The following CLIC2 variants were observed in gnomAD, a reference collection of about 807,000 sequenced individuals.
CLIC2 encodes CLIC family member 2, also known as chloride intracellular channel protein 2.
Under a neutral mutation model 14.8 loss-of-function variants are expected in CLIC2, and 9 were observed. That is an observed-to-expected ratio of 0.61 (90% CI 0.37 to 1.06). The LOEUF (loss-of-function observed/expected upper bound fraction) is 1.06, where lower values mean the gene tolerates loss of function less well. Ranked by LOEUF, CLIC2 falls within the 50% of genes least tolerant of loss-of-function variation. CLIC2 has a pLI of 0.01. For synonymous variants in CLIC2, 61 were observed against 66.3 expected (o/e 0.92, Z 0.39); for missense variants, 148 against 181.4 (o/e 0.82, Z 1.06).
chrX:155,299,761 A>G (rs113269068), intron 1 of CLIC2, among the ~76,000 whole-genome samples: 3 of 76,309 alleles, frequency 3.9e-5, no homozygotes, highest in African/African-American at 5.4e-5. Flanking sequence ...AGAGTGTGAT[A>G]TTCCCCTTCC....
intron 3 of CLIC2, among the ~76,000 whole-genome samples, chrX:155,297,860 CAAAAAAA>C (rs200891873): frequency 2.0e-4 from 1 of 5,123 alleles, no homozygotes; most frequent in East Asian, 8.1e-3. Context: ...ACTCCGGTCT[CAAAAAAA>C]AAAAAAAAAA....
chrX:155,294,854 T>C lies in CLIC2; in HGVS notation c.293+3931A>G, dbSNP rs781985592. Among the ~76,000 whole-genome samples, 3 of 111,648 alleles carry C rather than the reference T, an allele frequency of 2.7e-5. No individual in the cohort carries two copies. In the South Asian group the frequency reaches 1.1e-3, roughly 42 times the overall value. On this transcript the variant is annotated intron_variant, in intron 3 of 5. Coordinates refer to ENST00000369449, the MANE Select transcript of CLIC2 (RefSeq NM_001289.6). ...GAAATAGAAAACATGAACAGACCAA[T>C]AATGAGTAGCAAGATTGAGTCAGTA... is the stretch of plus-strand genomic sequence containing the variant.
At chrX:155,311,223 AT>A (rs1205337144) in intron 1 of CLIC2, among the ~76,000 whole-genome samples, 3 of 111,864 alleles carry the variant, frequency 2.7e-5, no homozygotes, top group Non-Finnish European at 5.6e-5. Flanking sequence ...ATTTTCTGAA[AT>A]TTTATGCTGT....
chrX:155,323,251 T>C (rs1049924110), intron 1 of CLIC2, among the ~76,000 whole-genome samples: 16 of 111,663 alleles, frequency 1.4e-4, no homozygotes, highest in Non-Finnish European at 2.3e-4. Flanking sequence ...CACGCCAATA[T>C]CCCTGATAAA....
intron 1 of CLIC2, among the ~76,000 whole-genome samples, chrX:155,310,041 A>G (rs782200917): frequency 8.9e-6 from 1 of 112,386 alleles, no homozygotes; most frequent in African/African-American, 3.2e-5. Context: ...TTTCCTAGAT[A>G]CAATGGAGGG....
chrX:155,320,147 C>T (rs7890602), intron 1 of CLIC2, among the ~76,000 whole-genome samples: 329 of 112,401 alleles, frequency 2.9e-3, no homozygotes, highest in African/African-American at 0.01. Context: ...CAGACTTAGA[C>T]GTTCCTGCCT....
chrX:155,294,503 C>G (rs2074986079), intron 3 of CLIC2, among the ~76,000 whole-genome samples: 1 of 111,269 alleles, frequency 9.0e-6, no homozygotes, highest in Admixed American at 9.6e-5. Flanking sequence ...GCTAGAAAAG[C>G]AAGAACAAAC....
intron 3 of CLIC2, among the ~76,000 whole-genome samples, chrX:155,287,731 G>A (rs111901445): frequency 1.8e-5 from 2 of 111,969 alleles, no homozygotes; most frequent in South Asian, 3.7e-4. Flanking sequence ...GGCTATTCGG[G>A]CTCTTTTTTG....
chrX:155,293,770 T>C (rs782043960), intron 3 of CLIC2, among the ~76,000 whole-genome samples: 1 of 111,521 alleles, frequency 9.0e-6, no homozygotes, highest in Non-Finnish European at 1.9e-5. Flanking sequence ...TATAATCATA[T>C]AAGACAAAAC....
At chrX:155,280,103 C>T (rs1557316273) in intron 3 of CLIC2, 35 bp from the exon 4 acceptor site, 1 of 969,158 alleles carries the variant, frequency 1.0e-6, no homozygotes, top group South Asian at 1.9e-5. Context: ...ATCATTTGCA[C>T]ATAACATGAC....
At chrX:155,289,717 A>C (rs2074955714) in intron 3 of CLIC2, among the ~76,000 whole-genome samples, 1 of 112,255 alleles carries the variant, frequency 8.9e-6, no homozygotes, top group African/African-American at 3.2e-5. Flanking sequence ...TTTCAATGTC[A>C]TCAGAAATCC....
intron 3 of CLIC2, chrX:155,292,130 G>C: frequency 5.3e-6 from 3 of 567,394 alleles, no homozygotes; most frequent in Non-Finnish European, 9.7e-6. Context: ...AAATTTGATA[G>C]AGTACAAATG....
At position 155,276,464 on chromosome X, in the gene CLIC2, T is replaced by G. The variant is rs2074898838; in HGVS notation, c.*1439A>C. 1 of 111,910 alleles carries G rather than the reference T, an allele frequency of 8.9e-6. No homozygotes were observed. The highest frequency in any genetic ancestry group is 3.2e-5 in the African/African-American group (1 of 30,888). The allele number at this position is 111,910 out of a possible 1,213,427, so 9.2% of individuals were successfully genotyped here. A position where few individuals can be genotyped will look rare whatever the true frequency, so the allele number is the denominator to read the frequency against. On this transcript the variant is annotated 3_prime_UTR_variant, in exon 6 of 6. Coordinates refer to ENST00000369449, the MANE Select transcript of CLIC2 (RefSeq NM_001289.6). ...ACCCTACTGTGGTGAATGCCAAAAT[T>G]TATTCTTCCTAGGTGTAACTTTATA... is the stretch of plus-strand genomic sequence containing the variant.
At chrX:155,313,671 A>G (rs1474710904) in intron 1 of CLIC2, among the ~76,000 whole-genome samples, 1 of 112,231 alleles carries the variant, frequency 8.9e-6, no homozygotes, top group Non-Finnish European at 1.9e-5. Context: ...CATTCCAGGG[A>G]AGCTGAGATA....
At chrX:155,319,027 GATCCTC>G (rs1557321316) in intron 1 of CLIC2, among the ~76,000 whole-genome samples, 1 of 111,926 alleles carries the variant, frequency 8.9e-6, no homozygotes, top group African/African-American at 3.3e-5. Context: ...AATGAAACTG[GATCCTC>G]ATCTCTCACC....
chrX:155,322,788 C>T (rs1470613738), intron 1 of CLIC2, among the ~76,000 whole-genome samples: 1 of 110,968 alleles, frequency 9.0e-6, no homozygotes, highest in Admixed American at 9.6e-5. Flanking sequence ...AAAAGATGAA[C>T]AAAATAGATT....
At chrX:155,291,093 A>G (rs2074962972) in intron 3 of CLIC2, 62 of 934,969 alleles carry the variant, frequency 6.6e-5, no homozygotes, top group Non-Finnish European at 9.5e-5. Context: ...TTTTTGACGG[A>G]CATGAGAATG....
chrX:155,323,784 C>T (rs1557321993), intron 1 of CLIC2, among the ~76,000 whole-genome samples: 1 of 111,912 alleles, frequency 8.9e-6, no homozygotes, highest in African/African-American at 3.3e-5. Context: ...TAGAAAACCC[C>T]ATTGTCTCAG....
chrX:155,319,621 AACTGGGCGGCCATTTGG>A (rs1202402149), intron 1 of CLIC2, among the ~76,000 whole-genome samples: 5 of 111,720 alleles, frequency 4.5e-5, no homozygotes, highest in African/African-American at 1.6e-4. Flanking sequence ...TCAAGCACAA[AACTGGGCGGCCATTTGG>A]GCAGACACCA....
Sources: gnomAD v4.1 joint callset for allele counts (sites outside exome capture counted in the v4.1 genomes callset) on GRCh38, gnomAD v4.1.1 for gene constraint, MANE v1.5 for transcripts, NCBI Gene and HGNC (gene_info 2026-07-23, HGNC 2026-07-21) for gene names.